The following PDZRN4 variants were observed in gnomAD, a reference collection of about 807,000 sequenced individuals.
The protein encoded by PDZRN4 is PDZ domain containing ring finger 4.
In PDZRN4, 70 loss-of-function variants were observed where a neutral mutation model predicts 99.0. That is an observed-to-expected ratio of 0.71 (90% confidence interval 0.58 to 0.86). PDZRN4 has a LOEUF of 0.86. Among genes scored for constraint, PDZRN4 ranks in the 40% least tolerant of loss-of-function variants. The pLI is 0.00. For synonymous variants in PDZRN4, 551 were observed against 501.6 expected (o/e 1.10, Z -1.32); for missense variants, 1,474 against 1,331.2 (o/e 1.11, Z -1.67).
At chr12:41,269,541 T>G (rs76073521) in intron 3 of PDZRN4, among the ~76,000 whole-genome samples, 1,802 of 152,296 alleles carry the variant, frequency 0.012, 21 homozygotes, top group African/African-American at 0.027. Context: ...ACTAAATAAA[T>G]TGTTCAAAAC....
At position 41,331,812 on chromosome 12, in the gene PDZRN4, C is replaced by T. The variant is rs11180831; in HGVS notation, c.843+137624C>T. Among the ~76,000 whole-genome samples the T allele has an allele frequency of 3.8e-3, 584 of 152,094 alleles. 19 individuals are homozygous for T. In the East Asian group the frequency reaches 0.091, roughly 24 times the overall value. ...AGAACCGAGCAAAGCAAGAAAAGCC[C>T]CTTATAAAACCTATGATTCAGTTAC... On this transcript the variant is annotated intron_variant, in intron 3 of 9. Transcript: ENST00000402685.
intron 3 of PDZRN4, among the ~76,000 whole-genome samples, chr12:41,417,125 C>A (rs1483855037): frequency 6.6e-6 from 1 of 152,110 alleles, no homozygotes; most frequent in Non-Finnish European, 1.5e-5. Context: ...TCCTGATATT[C>A]TTACTCGGAA....
chr12:41,236,003 C>T (rs989253890), intron 3 of PDZRN4, among the ~76,000 whole-genome samples: 3 of 152,012 alleles, frequency 2.0e-5, no homozygotes, highest in African/African-American at 7.2e-5. Flanking sequence ...TCAAATTAAT[C>T]CCAGAGAAAA....
chr12:41,370,739 C>T (rs374997422), intron 3 of PDZRN4, among the ~76,000 whole-genome samples: 1 of 151,926 alleles, frequency 6.6e-6, no homozygotes, highest in South Asian at 2.1e-4. Flanking sequence ...TAATTACCTG[C>T]TTTTAATCAC....
At chr12:41,338,230 C>T (rs897074617) in intron 3 of PDZRN4, among the ~76,000 whole-genome samples, 2 of 152,014 alleles carry the variant, frequency 1.3e-5, no homozygotes, top group Non-Finnish European at 2.9e-5. Context: ...TTTTAATGTT[C>T]TATTTCAGTA....
chr12:41,485,872 T>C (rs1937764284), intron 3 of PDZRN4, among the ~76,000 whole-genome samples: 1 of 152,126 alleles, frequency 6.6e-6, no homozygotes, highest in Non-Finnish European at 1.5e-5. Context: ...AAAAACAATT[T>C]AACCAGAAAT....
chr12:41,484,585 A>T (rs1208357548), intron 3 of PDZRN4, among the ~76,000 whole-genome samples: 1 of 152,206 alleles, frequency 6.6e-6, no homozygotes, highest in Non-Finnish European at 1.5e-5. Context: ...AACACTTGTG[A>T]ATAGTACGTG....
rs140255573 is a variant in PDZRN4, at chr12:41,215,515, G to T, written c.843+21327G>T. ...GTTGAAAGTTTATAATAAACAAAAA[G>T]TATACAATTTTATTTTCACTAGTAG... is the stretch of plus-strand genomic sequence containing the variant. On this transcript the variant is annotated intron_variant, in intron 3 of 9. Coordinates refer to ENST00000402685, the MANE Select transcript of PDZRN4 (RefSeq NM_001164595.2). Among the ~76,000 whole-genome samples the T allele has an allele frequency of 4.7e-4, 71 of 152,038 alleles. 1 individual carries two copies. The highest frequency in any genetic ancestry group is 8.5e-4 in the Non-Finnish European group (58 of 67,932).
chr12:41,477,934 T>G (rs1462192317), intron 3 of PDZRN4: 10 of 1,472,524 alleles, frequency 6.8e-6, no homozygotes, highest in African/African-American at 4.1e-5. Flanking sequence ...AGTATGGCAT[T>G]AAATTTATTT....
intron 3 of PDZRN4, among the ~76,000 whole-genome samples, chr12:41,502,228 C>T (rs1456652584): frequency 2.6e-5 from 4 of 152,094 alleles, no homozygotes; most frequent in African/African-American, 9.7e-5. Context: ...CAAACCTTTT[C>T]AGTTGTACAC....
intron 3 of PDZRN4, among the ~76,000 whole-genome samples, chr12:41,376,708 G>A (rs750719120): frequency 1.3e-4 from 20 of 151,458 alleles, no homozygotes; most frequent in South Asian, 4.2e-4. Flanking sequence ...TGTTTTTTTC[G>A]TTGTACAGAA....
intron 3 of PDZRN4, among the ~76,000 whole-genome samples, chr12:41,402,130 TATATATATATAC>T (rs1232457371): frequency 1.2e-5 from 1 of 84,032 alleles, no homozygotes; most frequent in Non-Finnish European, 2.1e-5. Flanking sequence ...TATATATATA[TATATATATATAC>T]ACACACTGAG....
rs118169747 is a variant in PDZRN4 at position 41,569,833 on chromosome 12, C to T, written c.1584+1934C>T. ...GCCACTCCACAAACAGAATTTCATG[C>T]TCACAAGTAATATCGCTACTGTGGT... is the stretch of plus-strand genomic sequence containing the variant. On this transcript the variant is annotated intron_variant, in intron 9 of 9. Coordinates refer to ENST00000402685, the MANE Select transcript of PDZRN4 (RefSeq NM_001164595.2). Among the ~76,000 whole-genome samples, 250 of 152,288 alleles carry T rather than the reference C, an allele frequency of 1.6e-3. 2 individuals are homozygous for T. The highest frequency in any genetic ancestry group is 6.9e-3 in the East Asian group (36 of 5,188).
chr12:41,368,056 C>T (rs17129305), intron 3 of PDZRN4, among the ~76,000 whole-genome samples: 10,810 of 152,036 alleles, frequency 0.071, 963 homozygotes, highest in African/African-American at 0.19. Flanking sequence ...ATTAGCAGGG[C>T]ACTTGGCTTT....
rs192545224 is a variant in PDZRN4, at chr12:41,464,733, C to T, written c.844-41723C>T. Among the ~76,000 whole-genome samples, 39 of 150,968 alleles carry T rather than the reference C, an allele frequency of 2.6e-4. No homozygotes were observed. The East Asian group carries it at 7.6e-3, about 29-fold the overall frequency. On this transcript the variant is annotated intron_variant, in intron 3 of 9. Coordinates refer to ENST00000402685, the MANE Select transcript of PDZRN4 (RefSeq NM_001164595.2). ...CAAAGACATTTTGTGACAATGAAGA[C>T]ATTATGTGACAACTAGAGCCTGTTT...
intron 3 of PDZRN4, among the ~76,000 whole-genome samples, chr12:41,281,732 CTA>C (rs1033439288): frequency 6.6e-6 from 1 of 152,132 alleles, no homozygotes; most frequent in Non-Finnish European, 1.5e-5. Context: ...AAGACCAAAC[CTA>C]TGTTTCACTG....
At chr12:41,480,708 TCTC>T (rs1488204224) in intron 3 of PDZRN4, among the ~76,000 whole-genome samples, 7 of 152,094 alleles carry the variant, frequency 4.6e-5, no homozygotes, top group Non-Finnish European at 8.8e-5. Context: ...TACCTTCTCT[TCTC>T]CTGGAAGATT....
At chr12:41,455,419 G>A (rs1384364073) in intron 3 of PDZRN4, among the ~76,000 whole-genome samples, 2 of 152,104 alleles carry the variant, frequency 1.3e-5, no homozygotes, top group African/African-American at 4.8e-5. Context: ...CATTGTATTA[G>A]CAGTGGGAAT....
intron 3 of PDZRN4, among the ~76,000 whole-genome samples, chr12:41,245,491 A>G (rs1331692999): frequency 6.6e-6 from 1 of 152,168 alleles, no homozygotes; most frequent in East Asian, 1.9e-4. Context: ...AGTCCTATAA[A>G]AAGTTTTGTA....
Sources: allele counts gnomAD v4.1 joint callset (sites outside exome capture counted in the v4.1 genomes callset), GRCh38; gene constraint gnomAD v4.1.1; transcripts MANE v1.5; gene names NCBI Gene and HGNC (gene_info 2026-07-23, HGNC 2026-07-21).